The following AFF3 variants were observed in gnomAD, a reference collection of about 807,000 sequenced individuals.
The protein encoded by AFF3 is AF4/FMR2 family member 3.
Under a neutral mutation model 129.7 loss-of-function variants are expected in AFF3, and 32 were observed. The ratio of observed to expected loss-of-function variants is 0.25; its 90% CI spans 0.19 to 0.33. The LOEUF (loss-of-function observed/expected upper bound fraction) is 0.33. Ranked by LOEUF, AFF3 falls within the 10% of genes least tolerant of loss-of-function variation. AFF3 has a pLI of 1.00. For synonymous variants in AFF3, 644 were observed against 635.4 expected (o/e 1.01, Z -0.20); for missense variants, 1,373 against 1,592.0 (o/e 0.86, Z 2.34).
At chr2:99,707,440 T>C in intron 11 of AFF3, 1 of 985,376 alleles carries the variant, frequency 1.0e-6, no homozygotes, top group Non-Finnish European at 1.2e-6. Flanking sequence ...ATCAGATAAT[T>C]TTTTTGCATT....
At chr2:99,877,690 A>T (rs1198284527) in intron 7 of AFF3, among the ~76,000 whole-genome samples, 1 of 152,240 alleles carries the variant, frequency 6.6e-6, no homozygotes. Flanking sequence ...TTATGAGCAT[A>T]ATATACTACT....
At chr2:100,137,400 G>T (rs1256201688) in intron 1 of AFF3, among the ~76,000 whole-genome samples, 3 of 152,190 alleles carry the variant, frequency 2.0e-5, no homozygotes, top group African/African-American at 7.2e-5. Context: ...TATTGCCATG[G>T]TATTTAGAAA....
intron 7 of AFF3, among the ~76,000 whole-genome samples, chr2:99,912,325 T>C (rs1368122840): frequency 1.3e-5 from 2 of 152,194 alleles, no homozygotes; most frequent in Admixed American, 6.5e-5. Context: ...ATGACAAACA[T>C]AGTCCATAAA....
chr2:99,657,019 C>T (rs1685807043), intron 12 of AFF3, among the ~76,000 whole-genome samples: 1 of 152,112 alleles, frequency 6.6e-6, no homozygotes, highest in Non-Finnish European at 1.5e-5. Context: ...CCTGGCTGTT[C>T]TGGGCACATG....
chr2:100,037,408 A>G (rs1339039800), intron 4 of AFF3, among the ~76,000 whole-genome samples: 2 of 136,638 alleles, frequency 1.5e-5, no homozygotes, highest in African/African-American at 2.7e-5. Flanking sequence ...TTTCATATAT[A>G]TTTATTTATT....
chr2:99,754,942 C>T (rs1681966814), intron 8 of AFF3, among the ~76,000 whole-genome samples: 1 of 152,186 alleles, frequency 6.6e-6, no homozygotes, highest in Non-Finnish European at 1.5e-5. Context: ...CTGGCTGTGT[C>T]TATTATCAGT....
chr2:99,690,392 A>G (rs1033831799), intron 11 of AFF3, among the ~76,000 whole-genome samples: 6 of 151,772 alleles, frequency 4.0e-5, no homozygotes, highest in South Asian at 2.1e-4. Flanking sequence ...CGTGTTAGCC[A>G]GGATGGTCTC....
At chr2:99,655,100 T>C (rs761731964) in intron 12 of AFF3, among the ~76,000 whole-genome samples, 39 of 151,836 alleles carry the variant, frequency 2.6e-4, no homozygotes, top group Non-Finnish European at 4.9e-4. Flanking sequence ...TGTAATTCAG[T>C]CTGAAGTACC....
intron 7 of AFF3, among the ~76,000 whole-genome samples, chr2:99,846,067 C>T (rs1192541184): frequency 2.0e-5 from 3 of 151,962 alleles, no homozygotes; most frequent in Non-Finnish European, 2.9e-5. Context: ...CTCCTGACCT[C>T]GTGATCCACC....
At chr2:99,987,898 G>T (rs1468250123) in intron 7 of AFF3, among the ~76,000 whole-genome samples, 1 of 152,168 alleles carries the variant, frequency 6.6e-6, no homozygotes, top group African/African-American at 2.4e-5. Flanking sequence ...TTATGAAAAA[G>T]AACTGCTCTG....
At chr2:99,911,547 A>T (rs1201015621) in intron 7 of AFF3, among the ~76,000 whole-genome samples, 4 of 152,192 alleles carry the variant, frequency 2.6e-5, no homozygotes, top group African/African-American at 9.6e-5. Flanking sequence ...CCAGTGCCCT[A>T]GGACTCATAC....
In AFF3 at chr2:99,900,227, T is replaced by C. The variant is rs6735683; in HGVS notation, c.874-62703A>G. Reference sequence around the variant, plus strand: ...ATCTCATGATGAAACAAAGTGATGATGATGAAAGTACATGAGTTGATACTG... The same window carrying C: ...ATCTCATGATGAAACAAAGTGATGACGATGAAAGTACATGAGTTGATACTG... On this transcript the variant is annotated intron_variant, in intron 7 of 24. Transcript: ENST00000672756. Among the ~76,000 whole-genome samples the C allele has an allele frequency of 2.3e-3, 351 of 152,236 alleles. 2 individuals carry two copies. The highest frequency in any genetic ancestry group is 8.2e-3 in the African/African-American group (340 of 41,544).
At chr2:99,849,535 G>A (rs898538272) in intron 7 of AFF3, among the ~76,000 whole-genome samples, 2 of 152,102 alleles carry the variant, frequency 1.3e-5, no homozygotes, top group African/African-American at 2.4e-5. Flanking sequence ...TTGTAGAACC[G>A]AGACAGTAAC....
At chr2:99,993,962 T>A (rs1291325192) in intron 7 of AFF3, among the ~76,000 whole-genome samples, 1 of 151,380 alleles carries the variant, frequency 6.6e-6, no homozygotes, top group Non-Finnish European at 1.5e-5. Flanking sequence ...CCCACCACCA[T>A]GCCCGGCTAA....
chr2:99,734,633 TTTTTC>T (rs1680102765), intron 10 of AFF3, among the ~76,000 whole-genome samples: 1 of 151,954 alleles, frequency 6.6e-6, no homozygotes, highest in African/African-American at 2.4e-5. Context: ...AACAATCCTA[TTTTTC>T]TTTTAATATT....
At position 99,560,291 on chromosome 2, in the gene AFF3, C is replaced by T. The variant is rs1675351634; in HGVS notation, c.3191+74G>A. ...TAGAAGACATTGGGCAAACACTATGCCTTTCAGCACCTGGTTTGCCAATGA... is the reference window on the plus strand; with the variant it reads ...TAGAAGACATTGGGCAAACACTATGTCTTTCAGCACCTGGTTTGCCAATGA... On this transcript the variant is annotated intron_variant, in intron 21 of 24. Coordinates refer to ENST00000672756, the MANE Select transcript of AFF3 (RefSeq NM_001386135.1). 6 of 1,487,854 alleles carry T rather than the reference C, an allele frequency of 4.0e-6. No individual in the cohort carries two copies. In the South Asian group the frequency reaches 6.8e-5, roughly 17 times the overall value. The allele number at this position is 1,487,854 out of a possible 1,614,324, so 92.2% of individuals were successfully genotyped here. A position where few individuals can be genotyped will look rare whatever the true frequency, so the allele number is the denominator to read the frequency against.
At chr2:99,653,326 G>GT (rs1685447735) in intron 12 of AFF3, among the ~76,000 whole-genome samples, 1 of 152,120 alleles carries the variant, frequency 6.6e-6, no homozygotes, top group Non-Finnish European at 1.5e-5. Flanking sequence ...CATAAGAGGT[G>GT]TAACTAAAAG....
At chr2:99,617,266 C>G (rs764151760) in intron 13 of AFF3, among the ~76,000 whole-genome samples, 2 of 152,198 alleles carry the variant, frequency 1.3e-5, no homozygotes, top group South Asian at 4.1e-4. Context: ...ACTTTGCATT[C>G]CCACCAGGAG....
At chr2:99,992,112 C>A (rs1179313311) in intron 7 of AFF3, among the ~76,000 whole-genome samples, 1 of 151,742 alleles carries the variant, frequency 6.6e-6, no homozygotes, top group Non-Finnish European at 1.5e-5. Context: ...TAAGCTTAAA[C>A]ATTTATTTTT....
Sources: gnomAD v4.1 joint callset for allele counts (sites outside exome capture counted in the v4.1 genomes callset) on GRCh38, gnomAD v4.1.1 for gene constraint, MANE v1.5 for transcripts, NCBI Gene and HGNC (gene_info 2026-07-23, HGNC 2026-07-21) for gene names.